KIF21A: variants seen among roughly 807,000 people sequenced by gnomAD.
The protein encoded by KIF21A is kinesin family member 21A, also known as kinesin-like protein KIF21A.
KIF21A carries 114 observed loss-of-function variants against 202.9 expected under a neutral mutation model. The ratio of observed to expected loss-of-function variants is 0.56; its 90% CI spans 0.48 to 0.66. KIF21A has a LOEUF of 0.66. Ranked by LOEUF, KIF21A falls within the 30% of genes least tolerant of loss-of-function variation. The pLI is 0.00. For missense variants in KIF21A, 1,677 were observed against 1,994.9 expected, an observed-to-expected ratio of 0.84 and a Z score of 3.04; for synonymous variants, 667 against 670.8, an observed-to-expected ratio of 0.99 and a Z score of 0.09.
In KIF21A at chr12:39,363,121, T is replaced by C. The variant is rs777133787; in HGVS notation, c.996A>G (p.Leu332=). Residue 332 remains leucine (L), a synonymous_variant, in exon 7 of 38, where the codon CTA becomes CTG. Transcript: ENST00000361418. ...ACCTATTACCCCCGAGGGAATCCTG[T>C]AGTAGTCTTGTTAGCTTGGAATCTC... ...PYRDSKLTRL[L]QDSLGGNSQT... 8 of 1,610,230 alleles carry C rather than the reference T, an allele frequency of 5.0e-6. No individual in the cohort carries two copies. The Middle Eastern group carries it at 4.9e-4, about 99-fold the overall frequency.
At chr12:39,348,741 A>G (rs529351078) in intron 11 of KIF21A, among the ~76,000 whole-genome samples, 1 of 152,084 alleles carries the variant, frequency 6.6e-6, no homozygotes, top group East Asian at 1.9e-4. Context: ...AAGGTCAAAC[A>G]AGCCCCAGAC....
chr12:39,378,850 A>G (rs1191720710), intron 1 of KIF21A, among the ~76,000 whole-genome samples: 2 of 152,224 alleles, frequency 1.3e-5, no homozygotes, highest in South Asian at 4.1e-4. Flanking sequence ...CCAGAGGGTA[A>G]TGGGGGAGGA....
In KIF21A at chr12:39,318,115, C is replaced by T. The variant is rs887165821; in HGVS notation, c.3866G>A (p.Arg1289His). The T allele has an allele frequency of 3.7e-6, 6 of 1,613,090 alleles. No homozygotes were observed. The highest frequency in any genetic ancestry group is 4.5e-5 in the East Asian group (2 of 44,848). Residue 1289 changes from arginine (R) to histidine (H), a missense_variant, in exon 29 of 38, where the codon CGT becomes CAT. Coordinates refer to ENST00000361418, the MANE Select transcript of KIF21A (RefSeq NM_001173464.2). ...TGTGTTTCCCTGAGAAACAGTAAGA[C>T]GATTAAAAACATTCAGTTCATTACG... Reference protein sequence around the residue: ...RPRNELNVFNRLTVSQGNTSV... With the variant: ...RPRNELNVFNHLTVSQGNTSV...
chr12:39,331,047 T>A, intron 22 of KIF21A, 136 bp from the exon 23 acceptor site: 1 of 820,544 alleles, frequency 1.2e-6, no homozygotes, highest in Non-Finnish European at 2.0e-6. Flanking sequence ...GCTCCTCCAG[T>A]AACTGGCTTA....
intron 24 of KIF21A, chr12:39,329,967 G>C: frequency 2.7e-6 from 1 of 369,700 alleles, no homozygotes; most frequent in South Asian, 4.4e-5. Flanking sequence ...AGAACACAGG[G>C]GGTTTATGAA....
In KIF21A at chr12:39,330,272, T is replaced by C. The variant is rs1565797043; in HGVS notation, c.3320-10A>G. 6.2e-7 allele frequency: 1 copy of C among 1,611,808 alleles called. No homozygotes were observed. The highest frequency in any genetic ancestry group is 2.2e-5 in the East Asian group (1 of 44,712). ...GGTACGCTATCTAGATCTGTGTAAA[T>C]AACAGCAAAAAGGAAACAAAAAGCA... On this transcript the variant is annotated splice_polypyrimidine_tract_variant and intron_variant, in intron 23 of 37. Coordinates refer to ENST00000361418, the MANE Select transcript of KIF21A (RefSeq NM_001173464.2).
intron 1 of KIF21A, among the ~76,000 whole-genome samples, chr12:39,375,198 T>C (rs1434865375): frequency 6.6e-6 from 1 of 152,164 alleles, no homozygotes; most frequent in Non-Finnish European, 1.5e-5. Context: ...AAGACATGTT[T>C]TGAGATGTCC....
chr12:39,432,818 C>T (rs980898024), intron 1 of KIF21A, among the ~76,000 whole-genome samples: 1 of 152,178 alleles, frequency 6.6e-6, no homozygotes, highest in Non-Finnish European at 1.5e-5. Context: ...ACCATGCTGG[C>T]CGGGCTGGTC....
chr12:39,417,043 T>C (rs999519408), intron 1 of KIF21A, among the ~76,000 whole-genome samples: 3 of 151,852 alleles, frequency 2.0e-5, no homozygotes, highest in African/African-American at 4.8e-5. Flanking sequence ...CATTAAATAG[T>C]AAACACCAGA....
At chr12:39,342,999 T>C (rs149717134) in intron 12 of KIF21A, among the ~76,000 whole-genome samples, 41 of 152,334 alleles carry the variant, frequency 2.7e-4, no homozygotes, top group Non-Finnish European at 4.9e-4. Context: ...AATTACACTA[T>C]TGATCACTAG....
At chr12:39,327,965 T>G (rs1262475881) in intron 24 of KIF21A, among the ~76,000 whole-genome samples, 1 of 152,244 alleles carries the variant, frequency 6.6e-6, no homozygotes, top group African/African-American at 2.4e-5. Context: ...AACAGTTGGA[T>G]TTTTAAAAGT....
chr12:39,357,389 A>G lies in KIF21A; in HGVS notation c.1264T>C (p.Phe422Leu), dbSNP rs1160923543. 1 of 1,614,130 alleles carries G rather than the reference A, an allele frequency of 6.2e-7. No homozygotes were observed. Among genetic ancestry groups the G allele is most frequent in the South Asian group, 1.1e-5 (1 of 91,090 alleles). ...EEGVESINDM[F>L]HENAMLQTEN... ...GTCTGTAGCATAGCATTCTCATGAA[A>G]CATGTCATTGATGCTTTCCACACCC... The change falls in exon 9 of 38, where the codon TTT becomes CTT. Residue 422 changes from phenylalanine (F) to leucine (L), a missense_variant. Physicochemically the swap from Phe to Leu is conservative, Grantham distance 22. Transcript: ENST00000361418.
At chr12:39,378,249 C>G (rs1950385183) in intron 1 of KIF21A, among the ~76,000 whole-genome samples, 1 of 152,198 alleles carries the variant, frequency 6.6e-6, no homozygotes. Flanking sequence ...TCTAAGGACA[C>G]AGAACACTGA....
rs755587423 is a variant in KIF21A at position 39,307,572 on chromosome 12, G to C, written c.4435C>G (p.Leu1479Val). ...ASGNAVRMWDLKRFQSTGKLT... is the reference protein window; with the variant it reads ...ASGNAVRMWDVKRFQSTGKLT... The stretch of plus-strand genomic sequence containing the variant: ...TTTCTTAAAAATATCTACCTTTTAA[G>C]ATCCCACATCCTGACAGCATTTCCA... The change falls in exon 34 of 38, where the codon CTT becomes GTT. Residue 1479 changes from leucine to valine, a missense_variant. By Grantham distance (32) the Leu-to-Val change is conservative (BLOSUM62 1). Coordinates refer to ENST00000361418, the MANE Select transcript of KIF21A (RefSeq NM_001173464.2). The C allele has an allele frequency of 4.3e-6, 7 of 1,613,958 alleles. No individual in the cohort carries two copies. Among genetic ancestry groups the C allele is most frequent in the Middle Eastern group, 3.3e-4 (2 of 6,060 alleles).
chr12:39,298,897 A>C (rs1942679830), intron 37 of KIF21A, among the ~76,000 whole-genome samples: 1 of 152,180 alleles, frequency 6.6e-6, no homozygotes, highest in Non-Finnish European at 1.5e-5. Context: ...TATAATAATA[A>C]TACTTAACTT....
intron 1 of KIF21A, among the ~76,000 whole-genome samples, chr12:39,411,654 G>A (rs1953088948): frequency 6.6e-6 from 1 of 151,902 alleles, no homozygotes; most frequent in African/African-American, 2.4e-5. Flanking sequence ...AGCCTCCCAA[G>A]AGGCTGGGAC....
At chr12:39,342,885 T>C (rs1434908870) in intron 12 of KIF21A, among the ~76,000 whole-genome samples, 1 of 152,190 alleles carries the variant, frequency 6.6e-6, no homozygotes, top group South Asian at 2.1e-4. Flanking sequence ...GGAATGATTA[T>C]AGCTAAATTA....
chr12:39,295,709 T>G (rs1353403372), intron 37 of KIF21A, among the ~76,000 whole-genome samples: 2 of 144,934 alleles, frequency 1.4e-5, no homozygotes, highest in South Asian at 2.3e-4. Context: ...TTTTTTTTTT[T>G]TTTTTTTTTT....
In KIF21A at chr12:39,296,044, A is replaced by C. The variant is rs1158416146; in HGVS notation, c.4932-1527T>G. Among the ~76,000 whole-genome samples the C allele has an allele frequency of 2.0e-5, 3 of 149,796 alleles. No homozygotes were observed. In the East Asian group the frequency reaches 5.9e-4, roughly 29 times the overall value. On this transcript the variant is annotated intron_variant, in intron 37 of 37. Transcript: ENST00000361418. ...GTTTGTTAAAAAAAAAAAAAAAAAA[A>C]AAAGCATTCTAAGTGCTTGGGATAC... is the stretch of plus-strand genomic sequence containing the variant.
Sources: allele counts gnomAD v4.1 joint callset (sites outside exome capture counted in the v4.1 genomes callset), GRCh38; gene constraint gnomAD v4.1.1; transcripts MANE v1.5; gene names NCBI Gene and HGNC (gene_info 2026-07-23, HGNC 2026-07-21).